PAIP2: variants seen among roughly 807,000 people sequenced by gnomAD.
The protein encoded by PAIP2 is poly(A) binding protein interacting protein 2.
A neutral mutation model predicts 14.8 loss-of-function variants in PAIP2; 7 were observed. The observed-to-expected ratio is 0.47, with a 90% CI of 0.27 to 0.89. The LOEUF (loss-of-function observed/expected upper bound fraction) is 0.89, where lower values mean the gene tolerates loss of function less well. Among genes scored for constraint, PAIP2 ranks in the 40% least tolerant of loss-of-function variants. The pLI, the probability that PAIP2 is intolerant of heterozygous loss-of-function variation, is 0.13. For missense variants in PAIP2, 122 were observed against 154.7 expected, an observed-to-expected ratio of 0.79 and a Z score of 1.12; for synonymous variants, 47 against 45.3, an observed-to-expected ratio of 1.04 and a Z score of -0.15.
At chr5:139,346,880 G>T (rs546992642) in intron 1 of PAIP2, among the ~76,000 whole-genome samples, 3 of 151,964 alleles carry the variant, frequency 2.0e-5, no homozygotes, top group Admixed American at 2.0e-4. Context: ...CACCATCTCA[G>T]CTCACTGCAA....
chr5:139,363,864 A>G lies in PAIP2; in HGVS notation c.80A>G (p.Asp27Gly). 6.2e-7 allele frequency: 1 copy of G among 1,613,896 alleles called. No homozygotes were observed. Among genetic ancestry groups the G allele is most frequent in the Non-Finnish European group, 8.5e-7 (1 of 1,179,724 alleles). Residue 27 changes from aspartate (D) to glycine (G), a missense_variant, in exon 2 of 4, where the codon GAT becomes GGT. Asp to Gly is a moderately conservative substitution (Grantham distance 94). Around this residue, in one of 3 missense-constraint regions of PAIP2, gnomAD observed 42 missense variants for 36.7 expected, o/e 1.15. Coordinates refer to ENST00000265192, the MANE Select transcript of PAIP2 (RefSeq NM_016480.5). ...DVIINGHSHE[D>G]DNPFAEYMWM... is the part of the protein sequence containing the mutation. ...ATTATTAACGGTCATTCTCATGAAG[A>G]TGACAATCCATTTGCAGAGTACATG...
chr5:139,368,220 C>T (rs1757407751), intron 3 of PAIP2, among the ~76,000 whole-genome samples: 1 of 152,072 alleles, frequency 6.6e-6, no homozygotes, highest in South Asian at 2.1e-4. Flanking sequence ...CGCCTGTAGT[C>T]CCAGCTACTC....
intron 1 of PAIP2, among the ~76,000 whole-genome samples, chr5:139,361,718 GTGGA>G (rs1757071315): frequency 6.6e-6 from 1 of 152,118 alleles, no homozygotes; most frequent in Non-Finnish European, 1.5e-5. Flanking sequence ...GCTGAGACAG[GTGGA>G]TCATTTGAGG....
At chr5:139,350,446 C>T (rs1004798225) in intron 1 of PAIP2, among the ~76,000 whole-genome samples, 13 of 151,892 alleles carry the variant, frequency 8.6e-5, no homozygotes, top group African/African-American at 2.9e-4. Flanking sequence ...GCCTGGCCAA[C>T]ATGACAAAAC....
At chr5:139,356,487 A>T (rs1756916600) in intron 1 of PAIP2, among the ~76,000 whole-genome samples, 1 of 152,138 alleles carries the variant, frequency 6.6e-6, no homozygotes, top group African/African-American at 2.4e-5. Context: ...CCAATGTAAT[A>T]TCTGGGCTCC....
intron 1 of PAIP2, among the ~76,000 whole-genome samples, chr5:139,344,275 G>A (rs1255875656): frequency 1.3e-5 from 2 of 152,216 alleles, no homozygotes; most frequent in Admixed American, 1.3e-4. Context: ...GTGTGATTTA[G>A]TGACAGGTCT....
At chr5:139,352,503 T>TTTTTTTTTTTTTTTTTTTTTTTG (rs1422182919) in intron 1 of PAIP2, among the ~76,000 whole-genome samples, 7 of 124,458 alleles carry the variant, frequency 5.6e-5, no homozygotes, top group Non-Finnish European at 1.0e-4. Flanking sequence ...TTTTTTGTTG[T>TTTTTTTTTTTTTTTTTTTTTTTG]TTTTTTTTTT....
intron 1 of PAIP2, among the ~76,000 whole-genome samples, chr5:139,360,245 G>A (rs916712291): frequency 6.6e-5 from 10 of 151,928 alleles, no homozygotes; most frequent in Non-Finnish European, 1.2e-4. Context: ...GATTATAGGC[G>A]GGAGCCACCG....
intron 1 of PAIP2, among the ~76,000 whole-genome samples, chr5:139,345,913 C>T (rs1756532037): frequency 6.6e-6 from 1 of 152,088 alleles, no homozygotes; most frequent in African/African-American, 2.4e-5. Context: ...AGGCGTGAGC[C>T]ACCGCACCAG....
intron 1 of PAIP2, among the ~76,000 whole-genome samples, chr5:139,345,449 G>A (rs1215809142): frequency 2.0e-5 from 3 of 152,042 alleles, no homozygotes; most frequent in African/African-American, 4.8e-5. Flanking sequence ...AAAATGTTGC[G>A]ATCCTCTTTA....
intron 1 of PAIP2, among the ~76,000 whole-genome samples, chr5:139,355,881 T>C (rs1756894539): frequency 6.8e-6 from 1 of 147,074 alleles, no homozygotes; most frequent in Non-Finnish European, 1.5e-5. Context: ...CTGGGCGTGG[T>C]GGCTCACGCC....
intron 1 of PAIP2, among the ~76,000 whole-genome samples, chr5:139,357,644 A>G (rs1205080288): frequency 6.6e-6 from 1 of 152,150 alleles, no homozygotes. Flanking sequence ...CATCCTGGCC[A>G]ACATGGTGAA....
intron 1 of PAIP2, among the ~76,000 whole-genome samples, chr5:139,356,976 T>C (rs1243582332): frequency 6.6e-6 from 1 of 152,236 alleles, no homozygotes; most frequent in Non-Finnish European, 1.5e-5. Context: ...TGCCACTTAT[T>C]GTAGTTGTCA....
chr5:139,359,473 A>C (rs1380614550), intron 1 of PAIP2, among the ~76,000 whole-genome samples: 1 of 152,024 alleles, frequency 6.6e-6, no homozygotes, highest in African/African-American at 2.4e-5. Flanking sequence ...AAGTTGGGAC[A>C]GGATACAAAT....
At position 139,350,703 on chromosome 5, in the gene PAIP2, A is replaced by G. The variant is rs995477007; in HGVS notation, c.-27+8723A>G. On this transcript the variant is annotated intron_variant, in intron 1 of 3. Transcript: ENST00000265192. ...GAAAGATCATACCTGCAACTTATCA[A>G]ATGGTTAAGCAAAAAAAAAGAAGAA... Among the ~76,000 whole-genome samples, 5 of 152,052 alleles carry G rather than the reference A, an allele frequency of 3.3e-5. 1 individual carries two copies. The South Asian group carries it at 1.0e-3, about 31-fold the overall frequency.
intron 1 of PAIP2, among the ~76,000 whole-genome samples, chr5:139,350,247 G>C (rs1044218890): frequency 6.6e-6 from 1 of 151,612 alleles, no homozygotes; most frequent in Admixed American, 6.6e-5. Context: ...TCTATCTACT[G>C]TAGTAGAGGA....
chr5:139,352,503 T>TTTTTTTTTTTTTTTTTTTTTTG (rs1422182919), intron 1 of PAIP2, among the ~76,000 whole-genome samples: 5 of 124,462 alleles, frequency 4.0e-5, no homozygotes, highest in Non-Finnish European at 6.7e-5. Flanking sequence ...TTTTTTGTTG[T>TTTTTTTTTTTTTTTTTTTTTTG]TTTTTTTTTT....
chr5:139,362,930 A>C (rs1301891978), intron 1 of PAIP2, among the ~76,000 whole-genome samples: 1 of 152,096 alleles, frequency 6.6e-6, no homozygotes, highest in Admixed American at 6.6e-5. Flanking sequence ...GATGGACTTC[A>C]TTTACTGTTA....
Position 139,364,796 on chromosome 5 carries a change from G to C in PAIP2, c.318+53G>C, listed in dbSNP as rs576665809. 4.7e-5 allele frequency: 55 copies of C among 1,181,274 alleles called. No individual in the cohort carries two copies. The East Asian group carries it at 1.1e-3, about 24-fold the overall frequency. 73.2% of individuals were successfully genotyped at this position (1,181,274 alleles called of 1,614,324 possible). A position where few individuals can be genotyped will look rare whatever the true frequency, so the allele number is the denominator to read the frequency against. On this transcript the variant is annotated intron_variant, in intron 3 of 3. Transcript: ENST00000265192. ...AACCTAGTGCATCTTTTGCATAAGTGGAAAAGCCAGCTCCCATCTATTTAA... is the reference window on the plus strand; with the variant it reads ...AACCTAGTGCATCTTTTGCATAAGTCGAAAAGCCAGCTCCCATCTATTTAA...
Sources: gnomAD v4.1 joint callset for allele counts (sites outside exome capture counted in the v4.1 genomes callset) on GRCh38, gnomAD v4.1.1 for gene constraint, gnomAD v4.1.1 regional missense constraint, MANE v1.5 for transcripts, NCBI Gene and HGNC (gene_info 2026-07-23, HGNC 2026-07-21) for gene names.